The following PAG1 variants were observed in gnomAD, a reference collection of about 807,000 sequenced individuals.
The protein encoded by PAG1 is phosphoprotein membrane anchor with glycosphingolipid microdomains 1, also known as phosphoprotein associated with glycosphingolipid-enriched microdomains 1.
Under a neutral mutation model 31.7 loss-of-function variants are expected in PAG1, and 23 were observed. The observed-to-expected ratio is 0.73, with a 90% confidence interval of 0.52 to 1.03. PAG1 has a LOEUF of 1.03. Ranked by LOEUF, PAG1 falls within the 50% of genes least tolerant of loss-of-function variation. PAG1 has a pLI of 0.00. For missense variants in PAG1, 473 were observed against 540.7 expected (o/e 0.87, Z 1.24); for synonymous variants, 214 against 210.3 (o/e 1.02, Z -0.15).
chr8:81,002,623 G>GT (rs1807807125), intron 3 of PAG1, among the ~76,000 whole-genome samples: 1 of 152,218 alleles, frequency 6.6e-6, no homozygotes, highest in African/African-American at 2.4e-5. Flanking sequence ...TACTGCCATC[G>GT]TAAGGACTGC....
chr8:80,980,670 C>T (rs965598836), intron 7 of PAG1, among the ~76,000 whole-genome samples, 176 bp from the exon 8 acceptor site: 3 of 152,066 alleles, frequency 2.0e-5, no homozygotes, highest in African/African-American at 4.8e-5. Flanking sequence ...GTATGATGTT[C>T]GGGGATATCT....
At chr8:81,047,911 C>T (rs1252824259) in intron 2 of PAG1, among the ~76,000 whole-genome samples, 1 of 152,122 alleles carries the variant, frequency 6.6e-6, no homozygotes, top group African/African-American at 2.4e-5. Flanking sequence ...ATATGAAAAC[C>T]ATTGTTAGAG....
intron 2 of PAG1, among the ~76,000 whole-genome samples, chr8:81,055,246 T>TA (rs1162432748): frequency 1.3e-5 from 2 of 151,978 alleles, no homozygotes; most frequent in African/African-American, 4.8e-5. Flanking sequence ...AATTTTTTTT[T>TA]ACAGAGACAT....
intron 1 of PAG1, among the ~76,000 whole-genome samples, chr8:81,091,234 A>AT (rs1391129817): frequency 6.6e-6 from 1 of 152,236 alleles, no homozygotes; most frequent in African/African-American, 2.4e-5. Context: ...AGAGGGAAGC[A>AT]TATTGGGGCA....
intron 1 of PAG1, among the ~76,000 whole-genome samples, chr8:81,086,261 G>A (rs1274354979): frequency 3.3e-5 from 5 of 151,914 alleles, no homozygotes; most frequent in Admixed American, 2.6e-4. Context: ...GATTACAGGC[G>A]TGAGCCACCG....
At chr8:81,035,553 G>A (rs1808449205) in intron 2 of PAG1, among the ~76,000 whole-genome samples, 1 of 152,118 alleles carries the variant, frequency 6.6e-6, no homozygotes, top group Non-Finnish European at 1.5e-5. Context: ...GTGGACTGTG[G>A]GGTAGGTTTA....
intron 3 of PAG1, among the ~76,000 whole-genome samples, chr8:80,999,300 A>G (rs1807743126): frequency 6.6e-6 from 1 of 152,120 alleles, no homozygotes; most frequent in Admixed American, 6.5e-5. Flanking sequence ...CCTACACATG[A>G]TTGTTATCAA....
chr8:80,997,979 G>A (rs1413031353), intron 3 of PAG1, among the ~76,000 whole-genome samples: 1 of 152,146 alleles, frequency 6.6e-6, no homozygotes, highest in African/African-American at 2.4e-5. Context: ...GACTTTCATT[G>A]GGGATTCTTT....
At position 80,971,752 on chromosome 8, in the gene PAG1, G is replaced by C. The variant is rs963006544; in HGVS notation, c.*4792C>G. ...ATTTGGAATATTATTTTTCAGTTAA[G>C]TCAAAGAAGAACTTGAAAAAAATAA... On this transcript the variant is annotated 3_prime_UTR_variant, in exon 9 of 9. Coordinates refer to ENST00000220597, the MANE Select transcript of PAG1 (RefSeq NM_018440.4). The C allele has an allele frequency of 6.6e-6, 1 of 151,934 alleles. No homozygotes were observed. The highest frequency in any genetic ancestry group is 1.9e-4 in the East Asian group (1 of 5,200). 9.4% of individuals were successfully genotyped at this position (151,934 alleles called of 1,614,324 possible). A position where few individuals can be genotyped will look rare whatever the true frequency, so the allele number is the denominator to read the frequency against.
At chr8:81,090,421 C>A (rs901813258) in intron 1 of PAG1, among the ~76,000 whole-genome samples, 2 of 152,174 alleles carry the variant, frequency 1.3e-5, no homozygotes, top group South Asian at 4.1e-4. Flanking sequence ...TTGCCCAACA[C>A]CACAAATAAG....
intron 2 of PAG1, among the ~76,000 whole-genome samples, chr8:81,051,147 G>C (rs1808721644): frequency 6.6e-6 from 1 of 152,196 alleles, no homozygotes; most frequent in Non-Finnish European, 1.5e-5. Flanking sequence ...TGGATGACGT[G>C]ATGCCAGCTC....
In PAG1 at chr8:80,987,429, C is replaced by A; in HGVS notation, c.215G>T (p.Ser72Ile). 6.2e-7 allele frequency: 1 copy of A among 1,613,950 alleles called. No individual in the cohort carries two copies. Among genetic ancestry groups the A allele is most frequent in the Non-Finnish European group, 8.5e-7 (1 of 1,179,878 alleles). Residue 72 changes from serine (S) to isoleucine (I), a missense_variant, in exon 6 of 9, where the codon AGC becomes ATC. Transcript: ENST00000220597. Reference protein sequence around the residue: ...DKEMFSRSVTSLATDAPASSE... With the variant: ...DKEMFSRSVTILATDAPASSE... ...GCTGGCAGGAGCATCTGTTGCCAGG[C>A]TAGTAACTGAACGGCTGAACATCTC...
At chr8:81,006,461 T>C (rs1263320102) in intron 3 of PAG1, among the ~76,000 whole-genome samples, 1 of 152,156 alleles carries the variant, frequency 6.6e-6, no homozygotes, top group Non-Finnish European at 1.5e-5. Context: ...ACTGTGTTCC[T>C]GGTTCATAGT....
intron 2 of PAG1, among the ~76,000 whole-genome samples, chr8:81,065,731 C>G (rs929858533): frequency 6.6e-6 from 1 of 151,696 alleles, no homozygotes; most frequent in Admixed American, 6.6e-5. Flanking sequence ...TTAAAAAAGT[C>G]TAACAATAAT....
At chr8:81,086,510 CGCGT>C (rs935271776) in intron 1 of PAG1, among the ~76,000 whole-genome samples, 2 of 151,312 alleles carry the variant, frequency 1.3e-5, no homozygotes, top group African/African-American at 4.9e-5. Context: ...TGTGTGCGCG[CGCGT>C]GTGTGTGTGT....
chr8:81,092,074 T>C (rs1809455220), intron 1 of PAG1, among the ~76,000 whole-genome samples: 1 of 148,954 alleles, frequency 6.7e-6, no homozygotes, highest in African/African-American at 2.5e-5. Flanking sequence ...AAATCCAGGC[T>C]GGGTGCAATG....
intron 3 of PAG1, among the ~76,000 whole-genome samples, chr8:81,018,997 T>C (rs1808117389): frequency 1.3e-5 from 2 of 152,320 alleles, no homozygotes; most frequent in African/African-American, 2.4e-5. Flanking sequence ...CTGATAGTGA[T>C]ATGGACAATA....
At chr8:81,021,326 T>C (rs570605336) in intron 3 of PAG1, among the ~76,000 whole-genome samples, 68 of 152,174 alleles carry the variant, frequency 4.5e-4, no homozygotes, top group African/African-American at 1.5e-3. Context: ...TCTAGTCTAT[T>C]ATTAACAACT....
At chr8:81,002,476 G>C (rs1807803538) in intron 3 of PAG1, among the ~76,000 whole-genome samples, 1 of 152,190 alleles carries the variant, frequency 6.6e-6, no homozygotes, top group Non-Finnish European at 1.5e-5. Context: ...CTCAAGACTG[G>C]AGAAGTAGAA....
Sources: allele counts gnomAD v4.1 joint callset (sites outside exome capture counted in the v4.1 genomes callset), GRCh38; gene constraint gnomAD v4.1.1; transcripts MANE v1.5; gene names NCBI Gene and HGNC (gene_info 2026-07-23, HGNC 2026-07-21).